The following ACOT9 variants were observed in gnomAD, a reference collection of about 807,000 sequenced individuals.
ACOT9 encodes the protein acyl-coenzyme A thioesterase 9, mitochondrial.
Under a neutral mutation model 39.7 loss-of-function variants are expected in ACOT9, and 34 were observed. The observed-to-expected ratio is 0.86, with a 90% CI of 0.65 to 1.14. ACOT9 has a LOEUF of 1.14. ACOT9 is among the 50% of genes most tolerant of loss of function. The pLI is 0.00. For synonymous variants in ACOT9, 110 were observed against 120.5 expected, an observed-to-expected ratio of 0.91 and a Z score of 0.57; for missense variants, 313 against 344.1, an observed-to-expected ratio of 0.91 and a Z score of 0.71.
chrX:23,725,544 G>A (rs1420608996), intron 6 of ACOT9, among the ~76,000 whole-genome samples: 3 of 107,899 alleles, frequency 2.8e-5, no homozygotes, highest in Admixed American at 1.0e-4. Flanking sequence ...AGGGCTGGGC[G>A]CAGTGGCTCA....
intron 1 of ACOT9, among the ~76,000 whole-genome samples, chrX:23,742,474 C>T (rs1389794841): frequency 9.0e-6 from 1 of 110,636 alleles, no homozygotes; most frequent in African/African-American, 3.3e-5. Context: ...CTAAGGCCCT[C>T]AGGCCTTAAC....
chrX:23,743,134 G>A lies in ACOT9; in HGVS notation c.11C>T (p.Ala4Val). The change falls in exon 1 of 16, where the codon GCA (alanine) becomes GTA (valine). Residue 4 changes from alanine (A) to valine (V), a missense_variant. Ala to Val is a moderately conservative substitution (Grantham distance 64). Coordinates refer to ENST00000379303, the MANE Select transcript of ACOT9 (RefSeq NM_001037171.2). ...ACGCCCCGCCACCTACCGCAGTGCT[G>A]CCCGCCTCATTGCGCTAGGCTGCCG... MRRAALRLCALGKG... is the reference protein window; with the variant it reads MRRVALRLCALGKG... 1 of 1,161,243 alleles carries A rather than the reference G, an allele frequency of 8.6e-7. No homozygotes were observed. Among genetic ancestry groups the A allele is most frequent in the Non-Finnish European group, 1.2e-6 (1 of 869,480 alleles).
chrX:23,716,338 T>C (rs968411438), intron 8 of ACOT9, among the ~76,000 whole-genome samples: 7 of 112,278 alleles, frequency 6.2e-5, no homozygotes, highest in African/African-American at 2.3e-4. Flanking sequence ...CTATTTTGGA[T>C]TTTCGATTTT....
At chrX:23,734,401 C>G in intron 2 of ACOT9, 34 bp from the exon 3 acceptor site, 1 of 1,107,962 alleles carries the variant, frequency 9.0e-7, no homozygotes. Flanking sequence ...ATTAGAGAAC[C>G]AGCAATAATT....
chrX:23,723,540 T>C (rs895736255), intron 6 of ACOT9, among the ~76,000 whole-genome samples: 10 of 99,821 alleles, frequency 1.0e-4, no homozygotes, highest in African/African-American at 3.8e-4. Context: ...GAGGCAGAGG[T>C]TGCAGTGAGC....
chrX:23,728,128 TATAAAAAAATAGTTTTTTAA>T, intron 6 of ACOT9, among the ~76,000 whole-genome samples: 1 of 111,196 alleles, frequency 9.0e-6, no homozygotes, highest in African/African-American at 3.3e-5. Flanking sequence ...ACCCCATCTC[TATAAAAAAATAGTTTTTTAA>T]ACAATATATT....
At chrX:23,711,985 A>C (rs1928910939) in intron 9 of ACOT9, among the ~76,000 whole-genome samples, 2 of 112,109 alleles carry the variant, frequency 1.8e-5, no homozygotes, top group Admixed American at 1.9e-4. Flanking sequence ...ACCATGAGAA[A>C]GCAATAGAAC....
chrX:23,742,213 T>TGAGAGAGAGAGAGAGAGAGAGAGA (rs1190609377), intron 1 of ACOT9, among the ~76,000 whole-genome samples: 2 of 68,906 alleles, frequency 2.9e-5, no homozygotes, highest in African/African-American at 7.5e-5. Context: ...AGTGAGTGAG[T>TGAGAGAGAGAGAGAGAGAGAGAGA]GAGAGAGAGA....
intron 13 of ACOT9, among the ~76,000 whole-genome samples, 163 bp from the exon 14 acceptor site, chrX:23,705,243 G>A (rs1018752075): frequency 2.7e-5 from 3 of 111,793 alleles, no homozygotes; most frequent in African/African-American, 9.7e-5. Context: ...ACGCCATCGT[G>A]AGCAGATTAG....
In ACOT9 at chrX:23,712,513, T is replaced by C. The variant is rs919439696; in HGVS notation, c.662+622A>G. On this transcript the variant is annotated intron_variant, in intron 9 of 15. Transcript: ENST00000379303. ...TTTTATGTCTGTAAGTCTGTTTTTT[T>C]TTGATAACAGCTTTATTAAGGTATA... Among the ~76,000 whole-genome samples, 22 of 111,764 alleles carry C rather than the reference T, an allele frequency of 2.0e-4. 1 individual carries two copies. The highest frequency in any genetic ancestry group is 4.0e-4 in the Non-Finnish European group (21 of 53,144).
intron 4 of ACOT9, among the ~76,000 whole-genome samples, chrX:23,731,500 T>G (rs951764367): frequency 3.8e-5 from 4 of 105,865 alleles, no homozygotes; most frequent in Non-Finnish European, 5.8e-5. Flanking sequence ...AAAGAAAACT[T>G]AAAACTGATA....
rs368273413 is a variant in ACOT9 at position 23,722,245 on chromosome X, T to C, written c.485-261A>G. On this transcript the variant is annotated intron_variant, in intron 7 of 15. Transcript: ENST00000379303. ...TCTTGGTATACAGCATTCTAGACAT[T>C]TTCATATGCATATATACATTAAAAT... Among the ~76,000 whole-genome samples, 5 of 111,802 alleles carry C rather than the reference T, an allele frequency of 4.5e-5. No homozygotes were observed. In the East Asian group the frequency reaches 1.1e-3, roughly 25 times the overall value.
At position 23,701,060 on chromosome X, in the gene ACOT9, G is replaced by C. The variant is rs1178615059; in HGVS notation, c.*2834C>G. ...AATAATTTAAGGGTCAAATGTTTTAGAGTATTTAGGATATTTACTGCAACA... is the reference window on the plus strand; with the variant it reads ...AATAATTTAAGGGTCAAATGTTTTACAGTATTTAGGATATTTACTGCAACA... On this transcript the variant is annotated 3_prime_UTR_variant, in exon 16 of 16. Transcript: ENST00000379303. Among the ~76,000 whole-genome samples, 3 of 111,900 alleles carry C rather than the reference G, an allele frequency of 2.7e-5. No homozygotes were observed. Among genetic ancestry groups the C allele is most frequent in the East Asian group, 5.5e-4 (2 of 3,606 alleles).
chrX:23,704,559 A>C, intron 15 of ACOT9, 135 bp downstream of exon 15: 1 of 804,768 alleles, frequency 1.2e-6, no homozygotes, highest in Non-Finnish European at 1.8e-6. Context: ...AGGGCTGCCA[A>C]ATCTCAAAAG....
intron 4 of ACOT9, among the ~76,000 whole-genome samples, chrX:23,732,760 A>G (rs775428452): frequency 9.0e-6 from 1 of 111,433 alleles, no homozygotes; most frequent in East Asian, 2.8e-4. Flanking sequence ...ACAAGAAGCA[A>G]TAAAGGAGTC....
intron 2 of ACOT9, 128 bp from the exon 3 acceptor site, chrX:23,734,495 A>G: frequency 2.0e-6 from 1 of 502,063 alleles, no homozygotes; most frequent in East Asian, 3.8e-5. Context: ...TATACATTCC[A>G]GTTATAGGAA....
intron 9 of ACOT9, among the ~76,000 whole-genome samples, chrX:23,710,382 C>T (rs1445739758): frequency 1.8e-5 from 2 of 111,582 alleles, no homozygotes; most frequent in East Asian, 2.8e-4. Flanking sequence ...GCAGGAAATA[C>T]GTAAGATGAG....
In ACOT9 at chrX:23,706,706, G is replaced by A. The variant is rs201643422; in HGVS notation, c.764C>T (p.Thr255Met). 101 of 1,202,758 alleles carry A rather than the reference G, an allele frequency of 8.4e-5. No homozygotes were observed. Among genetic ancestry groups the A allele is most frequent in the Middle Eastern group, 2.3e-4 (1 of 4,334 alleles). ...NKGRRIAFSS[T>M]SLLKMAPSAE... is the part of the protein sequence containing the mutation. The stretch of plus-strand genomic sequence containing the variant: ...GCTGGGGGCCATTTTCAGTAACGAC[G>A]TGGAGCTGAAGGCAATTCTTCTCCC... Residue 255 changes from threonine to methionine, a missense_variant, in exon 11 of 16, where the codon ACG becomes ATG. Thr to Met is a moderately conservative substitution (Grantham distance 81, BLOSUM62 -1). Coordinates refer to ENST00000379303, the MANE Select transcript of ACOT9 (RefSeq NM_001037171.2).
At chrX:23,725,934 C>T (rs1380950250) in intron 6 of ACOT9, among the ~76,000 whole-genome samples, 2 of 111,524 alleles carry the variant, frequency 1.8e-5, no homozygotes, top group East Asian at 5.6e-4. Context: ...CGCAGTGGCT[C>T]ACGTCTGTAA....
Sources: gnomAD v4.1 joint callset for allele counts (sites outside exome capture counted in the v4.1 genomes callset) on GRCh38, gnomAD v4.1.1 for gene constraint, MANE v1.5 for transcripts, NCBI Gene and HGNC (gene_info 2026-07-23, HGNC 2026-07-21) for gene names.